SLC7A6: variants seen among roughly 807,000 people sequenced by gnomAD.
The protein encoded by SLC7A6 is Y+L amino acid transporter 2.
In SLC7A6, 29 loss-of-function variants were observed where a neutral mutation model predicts 46.6. That is an observed-to-expected ratio of 0.62 (90% confidence interval 0.46 to 0.85). The LOEUF is 0.85. SLC7A6 is among the 40% of genes least tolerant of loss of function. The pLI is 0.00. For missense variants in SLC7A6, 527 were observed against 647.6 expected, an observed-to-expected ratio of 0.81 and a Z score of 2.02; for synonymous variants, 276 against 257.3, an observed-to-expected ratio of 1.07 and a Z score of -0.70.
At chr16:68,291,762 GGTGTGTGTGTGT>G (rs10525504) in intron 7 of SLC7A6, 101 bp downstream of exon 7, 80 of 548,072 alleles carry the variant, frequency 1.5e-4, no homozygotes, top group Middle Eastern at 6.4e-4. Flanking sequence ...GGGCATATAG[GGTGTGTGTGTGT>G]GTGTGTGTGT....
intron 2 of SLC7A6, among the ~76,000 whole-genome samples, chr16:68,269,592 T>C (rs1005200041): frequency 2.0e-5 from 3 of 152,036 alleles, no homozygotes; most frequent in African/African-American, 7.2e-5. Context: ...CCTCCATCCA[T>C]ACCCTCAGTT....
rs1567599837 is a variant in SLC7A6 at position 68,299,812 on chromosome 16, A to C, written c.*2484A>C. On this transcript the variant is annotated 3_prime_UTR_variant, in exon 11 of 11. Coordinates refer to ENST00000219343, the MANE Select transcript of SLC7A6 (RefSeq NM_003983.6). ...ATAACGGTGAATTATACCTTTGTGC[A>C]TGCCTAGGATGTTTGTTGTTTTAAT... The C allele has an allele frequency of 6.6e-6, 1 of 152,196 alleles. No homozygotes were observed. Among genetic ancestry groups the C allele is most frequent in the Non-Finnish European group, 1.5e-5 (1 of 68,042 alleles). 9.4% of individuals were successfully genotyped at this position (152,196 alleles called of 1,614,324 possible).
chr16:68,278,928 C>G (rs1020505506), intron 3 of SLC7A6, among the ~76,000 whole-genome samples: 1 of 151,236 alleles, frequency 6.6e-6, no homozygotes, highest in Non-Finnish European at 1.5e-5. Context: ...GGGCGGCTGC[C>G]GGGCGGAGGC....
chr16:68,300,015 A>C lies in SLC7A6; in HGVS notation c.*2687A>C, dbSNP rs995963706. 2 of 152,204 alleles carry C rather than the reference A, an allele frequency of 1.3e-5. No individual in the cohort carries two copies. The highest frequency in any genetic ancestry group is 4.8e-5 in the African/African-American group (2 of 41,430). 9.4% of individuals were successfully genotyped at this position (152,204 alleles called of 1,614,324 possible). On this transcript the variant is annotated 3_prime_UTR_variant, in exon 11 of 11. Transcript: ENST00000219343. ...GGAAATCCTAAAAGAGGCGGCAAGA[A>C]GGTACCTCCCTGTGTAACTCACCTT... is the stretch of plus-strand genomic sequence containing the variant.
At chr16:68,269,199 A>G (rs1195270730) in intron 2 of SLC7A6, among the ~76,000 whole-genome samples, 1 of 152,180 alleles carries the variant, frequency 6.6e-6, no homozygotes, top group Non-Finnish European at 1.5e-5. Flanking sequence ...AATGTATCAA[A>G]CACAATTATT....
At chr16:68,275,357 A>G in intron 3 of SLC7A6, 108 bp downstream of exon 3, 4 of 1,394,358 alleles carry the variant, frequency 2.9e-6, no homozygotes, top group Non-Finnish European at 3.9e-6. Flanking sequence ...GCACTTTGGG[A>G]GGCTGAGGCG....
rs1055809052 is a variant in SLC7A6, at chr16:68,299,079, T to C, written c.*1751T>C. 6 of 152,670 alleles carry C rather than the reference T, an allele frequency of 3.9e-5. No individual in the cohort carries two copies. Among genetic ancestry groups the C allele is most frequent in the Non-Finnish European group, 8.8e-5 (6 of 68,054 alleles). 9.5% of individuals were successfully genotyped at this position (152,670 alleles called of 1,614,324 possible). A position where few individuals can be genotyped will look rare whatever the true frequency, so the allele number is the denominator to read the frequency against. ...GCATGGGGTGACATTCCTACTGTCA[T>C]GGGTTTGGGATTTGTAACGGCAAAT... On this transcript the variant is annotated 3_prime_UTR_variant, in exon 11 of 11. Coordinates refer to ENST00000219343, the MANE Select transcript of SLC7A6 (RefSeq NM_003983.6).
intron 3 of SLC7A6, among the ~76,000 whole-genome samples, chr16:68,278,976 G>A (rs1358498641): frequency 6.6e-6 from 1 of 152,062 alleles, no homozygotes; most frequent in Non-Finnish European, 1.5e-5. Flanking sequence ...GGCTGGCCGG[G>A]CAGGGGCTGC....
At chr16:68,283,442 C>T (rs117930325) in intron 3 of SLC7A6, among the ~76,000 whole-genome samples, 2,423 of 152,290 alleles carry the variant, frequency 0.016, 63 homozygotes, top group Non-Finnish European at 0.019. Flanking sequence ...AAGACACTTT[C>T]TGAGGTCTTA....
chr16:68,278,280 T>C (rs909208836), intron 3 of SLC7A6, among the ~76,000 whole-genome samples: 1 of 151,998 alleles, frequency 6.6e-6, no homozygotes, highest in Non-Finnish European at 1.5e-5. Context: ...GGTCATCTTT[T>C]CTTGTAGGTT....
In SLC7A6 at chr16:68,286,727, C is replaced by A. The variant is rs116549367; in HGVS notation, c.524-1019C>A. Reference sequence around the variant, plus strand: ...CACTGAAGTGTGTGAGGAGCTAGAACTTAAAGCCACGTGAGCCTAGGGAGT... The same window carrying A: ...CACTGAAGTGTGTGAGGAGCTAGAAATTAAAGCCACGTGAGCCTAGGGAGT... On this transcript the variant is annotated intron_variant, in intron 3 of 10. Coordinates refer to ENST00000219343, the MANE Select transcript of SLC7A6 (RefSeq NM_003983.6). Among the ~76,000 whole-genome samples the A allele has an allele frequency of 4.1e-3, 626 of 152,230 alleles. 7 individuals carry two copies. The highest frequency in any genetic ancestry group is 0.014 in the African/African-American group (579 of 41,544).
rs1195235553 is a variant in SLC7A6, at chr16:68,291,266, G to A, written c.852G>A (p.Leu284=). ...SMPIVTLIYI[L]TNVAYYTVLN... ...CAATTGTGACGCTCATCTACATCCT[G>A]ACCAATGTGGCCTATTACACAGTGC... Residue 284 remains leucine, a synonymous_variant, in exon 6 of 11, where the codon CTG becomes CTA. Transcript: ENST00000219343. 8.1e-6 allele frequency: 13 copies of A among 1,614,188 alleles called. No individual in the cohort carries two copies. The highest frequency in any genetic ancestry group is 1.1e-5 in the Non-Finnish European group (13 of 1,180,034).
rs757480348 is a variant in SLC7A6, at chr16:68,294,715, G to T, written c.1033G>T (p.Val345Leu). 4 of 1,612,838 alleles carry T rather than the reference G, an allele frequency of 2.5e-6. No homozygotes were observed. Among genetic ancestry groups the T allele is most frequent in the Non-Finnish European group, 3.4e-6 (4 of 1,178,864 alleles). The stretch of plus-strand genomic sequence containing the variant: ...TTCTCATCCTTCTAGGTTGTTCTTC[G>T]TGGGCTCCCGGGAGGGCCACCTACC... ...SIFASSRLFF[V>L]GSREGHLPDL... is the part of the protein sequence containing the mutation. Residue 345 changes from valine to leucine, a missense_variant, in exon 8 of 11, where the codon GTG (valine) becomes TTG (leucine). Val to Leu is a conservative substitution (Grantham distance 32). Coordinates refer to ENST00000219343, the MANE Select transcript of SLC7A6 (RefSeq NM_003983.6).
At chr16:68,267,451 G>A (rs1181900660) in intron 2 of SLC7A6, among the ~76,000 whole-genome samples, 2 of 151,984 alleles carry the variant, frequency 1.3e-5, no homozygotes, top group East Asian at 3.9e-4. Context: ...CTGACCTCAG[G>A]CGATCCACCC....
intron 1 of SLC7A6, among the ~76,000 whole-genome samples, chr16:68,266,103 A>G (rs2042528114): frequency 6.6e-6 from 1 of 152,072 alleles, no homozygotes; most frequent in African/African-American, 2.4e-5. Flanking sequence ...TACTAAAAAT[A>G]CAAAAATTGA....
chr16:68,293,767 T>G (rs1293914173), intron 7 of SLC7A6, among the ~76,000 whole-genome samples: 1 of 152,240 alleles, frequency 6.6e-6, no homozygotes, highest in African/African-American at 2.4e-5. Flanking sequence ...ACCGACTTGC[T>G]TCTGGAAACT....
chr16:68,289,254 T>C (rs910467444), intron 4 of SLC7A6, among the ~76,000 whole-genome samples: 12 of 151,798 alleles, frequency 7.9e-5, no homozygotes, highest in African/African-American at 2.9e-4. Flanking sequence ...GATCTTGCCA[T>C]TGCACTCCAG....
chr16:68,284,715 T>C (rs1406080778), intron 3 of SLC7A6: 13 of 835,014 alleles, frequency 1.6e-5, no homozygotes, highest in Non-Finnish European at 1.9e-5. Context: ...AGAAGCACAG[T>C]TAGCACTGCC....
rs2043204457 is a variant in SLC7A6 at position 68,297,983 on chromosome 16, ACAGGTTTTATGCTGT to A, written c.*656_*670del. On this transcript the variant is annotated 3_prime_UTR_variant, in exon 11 of 11. Transcript: ENST00000219343. ...TGTGGTATTGGGTCAGACTCTGACCACAGGTTTTATGCTGTTTAGCACAATTTCTATTGAGTCTTA... is the reference window on the plus strand; with the variant it reads ...TGTGGTATTGGGTCAGACTCTGACCATTAGCACAATTTCTATTGAGTCTTA... The A allele has an allele frequency of 1.3e-5, 2 of 152,664 alleles. No homozygotes were observed. The highest frequency in any genetic ancestry group is 4.8e-5 in the African/African-American group (2 of 41,458). The allele number at this position is 152,664 out of a possible 1,614,324, so 9.5% of individuals were successfully genotyped here.
Sources: allele counts gnomAD v4.1 joint callset (sites outside exome capture counted in the v4.1 genomes callset), GRCh38; gene constraint gnomAD v4.1.1; transcripts MANE v1.5; gene names NCBI Gene and HGNC (gene_info 2026-07-23, HGNC 2026-07-21).